Variants in FRRS1L observed in about 807,000 individuals in gnomAD.
FRRS1L encodes the protein ferric chelate reductase 1 like, also known as DOMON domain-containing protein FRRS1L.
A neutral mutation model predicts 28.6 loss-of-function variants in FRRS1L; 22 were observed. That is an observed-to-expected ratio of 0.77 (90% CI 0.55 to 1.10). The LOEUF (loss-of-function observed/expected upper bound fraction) is 1.10. FRRS1L is among the 50% of genes least tolerant of loss of function. The pLI is 0.00. For synonymous variants in FRRS1L, 158 were observed against 151.4 expected (o/e 1.04, Z -0.32); for missense variants, 380 against 386.9 (o/e 0.98, Z 0.15).
chr9:109,150,923 A>G (rs1370544822), intron 1 of FRRS1L: 5 of 152,374 alleles, frequency 3.3e-5, no homozygotes, highest in African/African-American at 9.6e-5. Flanking sequence ...AATGTAAATC[A>G]GTACAAACTT....
At chr9:109,142,975 C>T (rs987118536) in intron 3 of FRRS1L, among the ~76,000 whole-genome samples, 1 of 138,268 alleles carries the variant, frequency 7.2e-6, no homozygotes, top group Admixed American at 7.7e-5. Flanking sequence ...CTTTACTATC[C>T]TTCCTGCTTG....
At chr9:109,153,128 A>G (rs1274666746) in intron 1 of FRRS1L, among the ~76,000 whole-genome samples, 1 of 152,184 alleles carries the variant, frequency 6.6e-6, no homozygotes, top group East Asian at 1.9e-4. Flanking sequence ...AAAACCTTGG[A>G]ATTTCCCAAG....
In FRRS1L at chr9:109,149,619, C is replaced by A. The variant is rs573563091; in HGVS notation, c.323+17G>T. 20 of 1,560,256 alleles carry A rather than the reference C, an allele frequency of 1.3e-5. No homozygotes were observed. The highest frequency in any genetic ancestry group is 1.7e-4 in the Middle Eastern group (1 of 5,952). On this transcript the variant is annotated intron_variant, in intron 2 of 4. Coordinates refer to ENST00000561981, the MANE Select transcript of FRRS1L (RefSeq NM_014334.4). The stretch of plus-strand genomic sequence containing the variant: ...CAGTCTTAGCCTTAAAGTTATCCAA[C>A]CTGCAGTTCCACCAACCTAAAGCAT...
intron 1 of FRRS1L, among the ~76,000 whole-genome samples, chr9:109,156,860 A>T (rs1215636224): frequency 3.3e-5 from 5 of 151,868 alleles, no homozygotes; most frequent in Admixed American, 2.0e-4. Context: ...TTTTGTAGAG[A>T]CAGGGTTTTG....
chr9:109,135,079 G>A lies in FRRS1L; in HGVS notation c.*2376C>T, dbSNP rs1364320831. 6.6e-6 allele frequency: 1 copy of A among 152,214 alleles called. No individual in the cohort carries two copies. The highest frequency in any genetic ancestry group is 6.5e-5 in the Admixed American group (1 of 15,282). 9.4% of individuals were successfully genotyped at this position (152,214 alleles called of 1,614,324 possible). ...CTCCTTGGAAGCTTTTGGTAACTGT[G>A]TTTGTTGATGTTTTCCTTATTTTGG... is the stretch of plus-strand genomic sequence containing the variant. On this transcript the variant is annotated 3_prime_UTR_variant, in exon 5 of 5. Transcript: ENST00000561981.
At chr9:109,140,886 G>A (rs1831175419) in intron 4 of FRRS1L, 1 of 169,408 alleles carries the variant, frequency 5.9e-6, no homozygotes, top group Non-Finnish European at 1.3e-5. Context: ...AGTATTCATG[G>A]GCTTTGGGGT....
intron 4 of FRRS1L, chr9:109,138,069 T>A (rs983620310): frequency 3.3e-5 from 5 of 152,466 alleles, no homozygotes; most frequent in Admixed American, 2.6e-4. Context: ...CTTGTATATA[T>A]ATGGATCATC....
At chr9:109,157,941 A>G (rs1224191068) in intron 1 of FRRS1L, among the ~76,000 whole-genome samples, 2 of 152,202 alleles carry the variant, frequency 1.3e-5, no homozygotes, top group African/African-American at 2.4e-5. Context: ...TATAGTACTT[A>G]TGCATATGTA....
At chr9:109,148,385 C>T (rs934572797) in intron 2 of FRRS1L, 1 of 152,176 alleles carries the variant, frequency 6.6e-6, no homozygotes, top group African/African-American at 2.4e-5. Flanking sequence ...ATTATGCAGA[C>T]ATTCATGTTT....
intron 3 of FRRS1L, among the ~76,000 whole-genome samples, chr9:109,142,864 G>C (rs1831205511): frequency 6.6e-6 from 1 of 151,844 alleles, no homozygotes; most frequent in African/African-American, 2.4e-5. Context: ...GGTTAATTTT[G>C]TTATGTGCGT....
At chr9:109,160,142 G>A (rs971707440) in intron 1 of FRRS1L, among the ~76,000 whole-genome samples, 1 of 151,638 alleles carries the variant, frequency 6.6e-6, no homozygotes, top group Non-Finnish European at 1.5e-5. Flanking sequence ...CCTTCTTTCT[G>A]TCACTTCACA....
intron 3 of FRRS1L, 21 bp from the exon 4 acceptor site, chr9:109,141,610 GA>G (rs11421991): frequency 2.3e-4 from 342 of 1,487,804 alleles, no homozygotes; most frequent in Middle Eastern, 7.2e-4. Context: ...AAATGATTGA[GA>G]AAAAAAAAAG....
chr9:109,152,728 C>T (rs556153680), intron 1 of FRRS1L, among the ~76,000 whole-genome samples: 28 of 136,780 alleles, frequency 2.0e-4, no homozygotes, highest in South Asian at 9.8e-4. Context: ...GGCATGAACC[C>T]GGGAGGTGGA....
At chr9:109,155,565 TAAA>T (rs1252819138) in intron 1 of FRRS1L, among the ~76,000 whole-genome samples, 1 of 151,126 alleles carries the variant, frequency 6.6e-6, no homozygotes, top group African/African-American at 2.4e-5. Flanking sequence ...AATACAAAAA[TAAA>T]AAAAGCACAC....
At position 109,144,757 on chromosome 9, in the gene FRRS1L, C is replaced by T. The variant is rs181186443; in HGVS notation, c.462+2294G>A. On this transcript the variant is annotated intron_variant, in intron 3 of 4. Transcript: ENST00000561981. ...GGAGTACAATGGCACGATCTCAGCT[C>T]GCTGCAACCTCCGCCTCCTGGGTTC... Among the ~76,000 whole-genome samples the T allele has an allele frequency of 3.2e-4, 48 of 152,078 alleles. No individual in the cohort carries two copies. The East Asian group carries it at 8.5e-3, about 27-fold the overall frequency.
In FRRS1L at chr9:109,134,057, AC is replaced by A. The variant is rs1399790517; in HGVS notation, c.*3397del. 1 of 152,196 alleles carries A rather than the reference AC, an allele frequency of 6.6e-6. No homozygotes were observed. Among genetic ancestry groups the A allele is most frequent in the South Asian group, 2.1e-4 (1 of 4,834 alleles). 9.4% of individuals were successfully genotyped at this position (152,196 alleles called of 1,614,324 possible). ...GATGTTTCTATTTATGTTTCAAAAGACAAAGTTCAGTGTTTGCTAACATAAT... is the reference window on the plus strand; with the variant it reads ...GATGTTTCTATTTATGTTTCAAAAGAAAAGTTCAGTGTTTGCTAACATAAT... On this transcript the variant is annotated 3_prime_UTR_variant, in exon 5 of 5. Transcript: ENST00000561981.
At position 109,132,560 on chromosome 9, in the gene FRRS1L, C is replaced by T. The variant is rs1041687479; in HGVS notation, c.*4895G>A. On this transcript the variant is annotated 3_prime_UTR_variant, in exon 5 of 5. Transcript: ENST00000561981. ...TTATTCACTAACTTTGATATTCTTACAACTAACCAGTAATAATATGTTACT... is the reference window on the plus strand; with the variant it reads ...TTATTCACTAACTTTGATATTCTTATAACTAACCAGTAATAATATGTTACT... 2.0e-5 allele frequency: 3 copies of T among 152,132 alleles called. No individual in the cohort carries two copies. In the East Asian group the frequency reaches 5.8e-4, roughly 29 times the overall value. 9.4% of individuals were successfully genotyped at this position (152,132 alleles called of 1,614,324 possible). A position where few individuals can be genotyped will look rare whatever the true frequency, so the allele number is the denominator to read the frequency against.
intron 3 of FRRS1L, among the ~76,000 whole-genome samples, chr9:109,143,197 C>G (rs950485937): frequency 6.6e-6 from 1 of 151,974 alleles, no homozygotes; most frequent in Non-Finnish European, 1.5e-5. Context: ...TGCCTGTAAT[C>G]CCAGCTACTT....
Position 109,141,603 on chromosome 9 carries a change from T to C in FRRS1L, c.463-14A>G. 1 of 1,583,096 alleles carries C rather than the reference T, an allele frequency of 6.3e-7. No individual in the cohort carries two copies. The highest frequency in any genetic ancestry group is 8.6e-7 in the Non-Finnish European group (1 of 1,165,370). ...ATCATCACCACCCTAACATGAGAAA[T>C]GATTGAGAAAAAAAAAAGTCAAAGG... On this transcript the variant is annotated splice_polypyrimidine_tract_variant and intron_variant, in intron 3 of 4. Transcript: ENST00000561981.
Sources: gnomAD v4.1 joint callset for allele counts (sites outside exome capture counted in the v4.1 genomes callset) on GRCh38, gnomAD v4.1.1 for gene constraint, MANE v1.5 for transcripts, NCBI Gene and HGNC (gene_info 2026-07-23, HGNC 2026-07-21) for gene names.